Variants in TNR observed in about 807,000 individuals in gnomAD.
The protein encoded by TNR is tenascin-R.
In TNR, 45 loss-of-function variants were observed where a neutral mutation model predicts 150.4. The observed-to-expected ratio is 0.30, with a 90% CI of 0.24 to 0.38. The LOEUF (loss-of-function observed/expected upper bound fraction) is 0.38. Among genes scored for constraint, TNR ranks in the 10% least tolerant of loss-of-function variants. The probability of loss-of-function intolerance (pLI) is 1.00; values close to 1 mark genes in which losing one functional copy is unlikely to be tolerated. For synonymous variants in TNR, 687 were observed against 678.4 expected (o/e 1.01, Z -0.20); for missense variants, 1,544 against 1,759.1 (o/e 0.88, Z 2.19).
intron 2 of TNR, among the ~76,000 whole-genome samples, chr1:175,492,484 G>T (rs1057072575): frequency 6.6e-6 from 1 of 152,174 alleles, no homozygotes; most frequent in Non-Finnish European, 1.5e-5. Context: ...TCTAACAAAG[G>T]TTTTCTGAGC....
intron 1 of TNR, among the ~76,000 whole-genome samples, chr1:175,549,545 T>C (rs1297356433): frequency 6.6e-6 from 1 of 152,208 alleles, no homozygotes; most frequent in African/African-American, 2.4e-5. Flanking sequence ...GTGATGAGGT[T>C]ATGTTACATG....
chr1:175,451,278 T>A (rs1656305213), intron 2 of TNR, among the ~76,000 whole-genome samples: 1 of 151,974 alleles, frequency 6.6e-6, no homozygotes, highest in Non-Finnish European at 1.5e-5. Flanking sequence ...CGTGCAGGTT[T>A]GTTATATATG....
At chr1:175,696,625 T>C (rs184713194) in intron 1 of TNR, among the ~76,000 whole-genome samples, 2 of 152,152 alleles carry the variant, frequency 1.3e-5, no homozygotes, top group East Asian at 3.9e-4. Context: ...AAAATAAATA[T>C]CATTAGAACT....
At chr1:175,554,749 A>G (rs1375350721) in intron 1 of TNR, among the ~76,000 whole-genome samples, 3 of 152,192 alleles carry the variant, frequency 2.0e-5, no homozygotes, top group African/African-American at 7.2e-5. Context: ...TGAGCTGCTA[A>G]GTAGAATGCT....
chr1:175,436,278 T>C (rs1571436318), intron 2 of TNR, among the ~76,000 whole-genome samples: 2 of 152,360 alleles, frequency 1.3e-5, no homozygotes, highest in East Asian at 3.9e-4. Flanking sequence ...GGTACACCAA[T>C]CAGACATAGA....
rs55795922 is a variant in TNR at position 175,370,338 on chromosome 1, C to CTTTTTTTTTTTTTTTTTTTTT, written c.1964-3062_1964-3042dup. On this transcript the variant is annotated intron_variant, in intron 9 of 22. Coordinates refer to ENST00000367674, the MANE Select transcript of TNR (RefSeq NM_003285.3). ...GAGAACTATTCCTGGATTTTGAGTA[C>CTTTTTTTTTTTTTTTTTTTTT]TTTTTTTTTTTTTTTTTTTTTTTTT... Among the ~76,000 whole-genome samples, 43 of 42,968 alleles carry CTTTTTTTTTTTTTTTTTTTTT rather than the reference C, an allele frequency of 1.0e-3. 5 individuals are homozygous for CTTTTTTTTTTTTTTTTTTTTT. Among genetic ancestry groups the CTTTTTTTTTTTTTTTTTTTTT allele is most frequent in the African/African-American group, 3.1e-3 (36 of 11,798 alleles). 28.2% of individuals were successfully genotyped at this position (42,968 alleles called of 152,430 possible).
chr1:175,561,746 T>C (rs951230776), intron 1 of TNR, among the ~76,000 whole-genome samples: 1 of 152,234 alleles, frequency 6.6e-6, no homozygotes, highest in Non-Finnish European at 1.5e-5. Flanking sequence ...AAGAAACTGG[T>C]TGGAATGATT....
intron 1 of TNR, among the ~76,000 whole-genome samples, chr1:175,669,642 C>T (rs1665636406): frequency 6.6e-6 from 1 of 152,186 alleles, no homozygotes; most frequent in African/African-American, 2.4e-5. Flanking sequence ...TGTCAACCAT[C>T]ACCAGCCGAG....
intron 2 of TNR, among the ~76,000 whole-genome samples, chr1:175,485,811 A>G (rs747143556): frequency 1.3e-4 from 20 of 152,228 alleles, no homozygotes; most frequent in Non-Finnish European, 2.5e-4. Context: ...AGACTAAATA[A>G]TAGTAATAGC....
Position 175,452,713 on chromosome 1 carries a change from C to T in TNR, c.-63-45936G>A, listed in dbSNP as rs1293151867. 7.2e-5 allele frequency among the ~76,000 whole-genome samples: 11 copies of T among 152,158 alleles called. No individual in the cohort carries two copies. In the East Asian group the frequency reaches 7.7e-4, roughly 11 times the overall value. ...AGAACTGTAAGGGAGTAAAGAGTGA[C>T]GGGAACTGATTTGTATTTTTAAAGG... is the stretch of plus-strand genomic sequence containing the variant. On this transcript the variant is annotated intron_variant, in intron 2 of 22. Coordinates refer to ENST00000367674, the MANE Select transcript of TNR (RefSeq NM_003285.3).
chr1:175,442,184 T>C (rs971502825), intron 2 of TNR, among the ~76,000 whole-genome samples: 4 of 152,168 alleles, frequency 2.6e-5, no homozygotes, highest in Non-Finnish European at 4.4e-5. Context: ...TTTTTTAATA[T>C]CTTATTTTTC....
At chr1:175,553,156 G>A (rs1661010901) in intron 1 of TNR, among the ~76,000 whole-genome samples, 1 of 152,142 alleles carries the variant, frequency 6.6e-6, no homozygotes, top group Non-Finnish European at 1.5e-5. Context: ...CTAAGTTTGA[G>A]GCTAAAGAAA....
At chr1:175,407,611 A>G (rs1456621098) in intron 2 of TNR, among the ~76,000 whole-genome samples, 1 of 152,236 alleles carries the variant, frequency 6.6e-6, no homozygotes, top group Non-Finnish European at 1.5e-5. Context: ...TGGTTCTAAA[A>G]GTTAGAGCTA....
chr1:175,407,133 CT>C (rs1349959877), intron 2 of TNR, among the ~76,000 whole-genome samples: 9 of 152,176 alleles, frequency 5.9e-5, no homozygotes, highest in Non-Finnish European at 1.3e-4. Context: ...TTTCTTTTCA[CT>C]TCTAGGTGAG....
intron 1 of TNR, among the ~76,000 whole-genome samples, chr1:175,618,803 G>A (rs1663863607): frequency 6.6e-6 from 1 of 152,186 alleles, no homozygotes; most frequent in Non-Finnish European, 1.5e-5. Context: ...CCTGGGTGCT[G>A]GGACTATTGG....
chr1:175,521,703 C>T (rs1288309192), intron 2 of TNR, among the ~76,000 whole-genome samples: 1 of 152,170 alleles, frequency 6.6e-6, no homozygotes, highest in African/African-American at 2.4e-5. Context: ...GCTCATTTGG[C>T]CTTCCTGGGT....
chr1:175,607,783 T>C (rs1379531696), intron 1 of TNR, among the ~76,000 whole-genome samples: 1 of 152,246 alleles, frequency 6.6e-6, no homozygotes, highest in Non-Finnish European at 1.5e-5. Context: ...GGCAAGCTGG[T>C]TGGTATATAC....
At chr1:175,561,932 C>A (rs1033514458) in intron 1 of TNR, among the ~76,000 whole-genome samples, 2 of 152,138 alleles carry the variant, frequency 1.3e-5, no homozygotes, top group Non-Finnish European at 2.9e-5. Context: ...TAGACCAGTT[C>A]AGCTAGGGAC....
At chr1:175,426,388 C>T (rs939850778) in intron 2 of TNR, among the ~76,000 whole-genome samples, 3 of 152,148 alleles carry the variant, frequency 2.0e-5, no homozygotes, top group Non-Finnish European at 2.9e-5. Context: ...TAGGTGCTGT[C>T]GCTGCTTCCC....
Sources: gnomAD v4.1 joint callset for allele counts (sites outside exome capture counted in the v4.1 genomes callset) on GRCh38, gnomAD v4.1.1 for gene constraint, MANE v1.5 for transcripts, NCBI Gene and HGNC (gene_info 2026-07-23, HGNC 2026-07-21) for gene names.